The following PSEN1 variants were observed in gnomAD, a reference collection of about 807,000 sequenced individuals.
PSEN1 encodes the protein presenilin-1.
A neutral mutation model predicts 53.5 loss-of-function variants in PSEN1; 15 were observed. The ratio of observed to expected loss-of-function variants is 0.28; its 90% CI spans 0.19 to 0.43. The LOEUF (loss-of-function observed/expected upper bound fraction) is 0.43, where lower values mean the gene tolerates loss of function less well. Among genes scored for constraint, PSEN1 ranks in the 20% least tolerant of loss-of-function variants. The probability of loss-of-function intolerance (pLI) is 1.00; values close to 1 mark genes in which losing one functional copy is unlikely to be tolerated. For missense variants in PSEN1, 387 were observed against 571.2 expected (o/e 0.68, Z 3.29); for synonymous variants, 208 against 209.8 (o/e 0.99, Z 0.08).
At chr14:73,186,183 C>T (rs1306734117) in intron 5 of PSEN1, among the ~76,000 whole-genome samples, 1 of 152,114 alleles carries the variant, frequency 6.6e-6, no homozygotes, top group Non-Finnish European at 1.5e-5. Flanking sequence ...AGTTCGAGAC[C>T]AGCCTGACCA....
In PSEN1 at chr14:73,148,914, C is replaced by T. The variant is rs185367484; in HGVS notation, c.87+808C>T. ...CGCCATTGCACTCCAGCCTGGGCGACGAGCGAAACTCCATCTCAAAAATAA... is the reference window on the plus strand; with the variant it reads ...CGCCATTGCACTCCAGCCTGGGCGATGAGCGAAACTCCATCTCAAAAATAA... On this transcript the variant is annotated intron_variant, in intron 3 of 11. Coordinates refer to ENST00000324501, the MANE Select transcript of PSEN1 (RefSeq NM_000021.4). Among the ~76,000 whole-genome samples the T allele has an allele frequency of 7.3e-4, 111 of 151,834 alleles. No individual in the cohort carries two copies. In the East Asian group the frequency reaches 0.016, roughly 22 times the overall value.
intron 5 of PSEN1, among the ~76,000 whole-genome samples, chr14:73,179,663 G>C (rs1009004661): frequency 6.6e-6 from 1 of 152,148 alleles, no homozygotes; most frequent in Non-Finnish European, 1.5e-5. Context: ...CTGGGTGTTA[G>C]GAGACCTCTT....
In PSEN1 at chr14:73,198,088, A is replaced by T. The variant is rs748891711; in HGVS notation, c.827A>T (p.Gln276Leu). 1 of 1,612,814 alleles carries T rather than the reference A, an allele frequency of 6.2e-7. No homozygotes were observed. The highest frequency in any genetic ancestry group is 1.1e-5 in the South Asian group (1 of 90,994). Residue 276 changes from glutamine to leucine, a missense_variant, in exon 8 of 12, where the codon CAG becomes CTG. By Grantham distance (113) the Gln-to-Leu change is moderately radical (BLOSUM62 -2). Around this residue, in one of 4 missense-constraint regions of PSEN1, gnomAD observed 169 missense variants for 299.7 expected, o/e 0.56. Coordinates refer to ENST00000324501, the MANE Select transcript of PSEN1 (RefSeq NM_000021.4). ...CTTCGTATGCTGGTTGAAACAGCTC[A>T]GGAGAGAAATGAAACGCTTTTTCCA... Reference protein sequence around the residue: ...GPLRMLVETAQERNETLFPAL... With the variant: ...GPLRMLVETALERNETLFPAL...
chr14:73,140,182 G>GT (rs1447655298), intron 1 of PSEN1, among the ~76,000 whole-genome samples: 1 of 134,064 alleles, frequency 7.5e-6, no homozygotes, highest in Non-Finnish European at 1.6e-5. Context: ...AAACTAAAAG[G>GT]TTTTTCTTTT....
intron 8 of PSEN1, among the ~76,000 whole-genome samples, chr14:73,203,365 G>A (rs1899310071): frequency 6.6e-6 from 1 of 152,174 alleles, no homozygotes; most frequent in African/African-American, 2.4e-5. Context: ...TGGGATTACA[G>A]GCATGAGCCA....
chr14:73,198,573 G>A (rs895382709), intron 8 of PSEN1, among the ~76,000 whole-genome samples: 2 of 152,178 alleles, frequency 1.3e-5, no homozygotes, highest in Non-Finnish European at 2.9e-5. Context: ...CTGAGATCAT[G>A]AGAGGCATAC....
At chr14:73,153,856 G>A (rs1897288966) in intron 3 of PSEN1, among the ~76,000 whole-genome samples, 1 of 151,704 alleles carries the variant, frequency 6.6e-6, no homozygotes, top group South Asian at 2.1e-4. Flanking sequence ...GGGATTAACA[G>A]GGTTGTGCCA....
intron 3 of PSEN1, among the ~76,000 whole-genome samples, chr14:73,151,703 G>C (rs1414346079): frequency 6.6e-6 from 1 of 151,324 alleles, no homozygotes; most frequent in African/African-American, 2.4e-5. Flanking sequence ...AAGTAGCTGG[G>C]ACCACAGGCT....
intron 10 of PSEN1, among the ~76,000 whole-genome samples, chr14:73,216,602 T>TA (rs1441115238): frequency 6.6e-6 from 1 of 151,656 alleles, no homozygotes; most frequent in African/African-American, 2.4e-5. Context: ...CCATCAAAAA[T>TA]AAAAAAATTA....
chr14:73,211,412 C>T (rs1052401331), intron 9 of PSEN1, among the ~76,000 whole-genome samples: 2 of 152,136 alleles, frequency 1.3e-5, no homozygotes, highest in East Asian at 1.9e-4. Flanking sequence ...CCAGGAATCC[C>T]GGTGGACTTT....
Position 73,217,215 on chromosome 14 carries a change from A to G in PSEN1, c.1219A>G (p.Thr407Ala). Residue 407 changes from threonine (T) to alanine (A), a missense_variant, in exon 11 of 12, where the codon ACC (threonine) becomes GCC (alanine). Thr to Ala is a moderately conservative substitution (Grantham distance 58, BLOSUM62 0). Coordinates refer to ENST00000324501, the MANE Select transcript of PSEN1 (RefSeq NM_000021.4). The stretch of plus-strand genomic sequence containing the variant: ...AACAGCCAGTGGAGACTGGAACACA[A>G]CCATAGCCTGTTTCGTAGCCATATT... Reference protein sequence around the residue: ...SATASGDWNTTIACFVAILIG... With the variant: ...SATASGDWNTAIACFVAILIG... The G allele has an allele frequency of 6.2e-7, 1 of 1,614,144 alleles. No individual in the cohort carries two copies.
At chr14:73,146,078 C>G (rs551953411) in intron 1 of PSEN1, 8 of 152,020 alleles carry the variant, frequency 5.3e-5, no homozygotes, top group African/African-American at 1.9e-4. Flanking sequence ...TACATTGCAG[C>G]CTGGGTGACA....
At chr14:73,188,572 A>G (rs920290388) in intron 6 of PSEN1, among the ~76,000 whole-genome samples, 3 of 152,192 alleles carry the variant, frequency 2.0e-5, no homozygotes, top group Non-Finnish European at 4.4e-5. Context: ...GCTTCAGCCC[A>G]GGAATTCAAG....
At chr14:73,150,976 G>A (rs1296661381) in intron 3 of PSEN1, among the ~76,000 whole-genome samples, 1 of 151,672 alleles carries the variant, frequency 6.6e-6, no homozygotes, top group African/African-American at 2.4e-5. Flanking sequence ...GCTGAGGCAG[G>A]AGAATGGCAT....
At chr14:73,161,726 C>A (rs1326664487) in intron 3 of PSEN1, among the ~76,000 whole-genome samples, 1 of 152,120 alleles carries the variant, frequency 6.6e-6, no homozygotes, top group East Asian at 1.9e-4. Flanking sequence ...GTGTCCGGGT[C>A]ACACATGGCT....
intron 7 of PSEN1, among the ~76,000 whole-genome samples, chr14:73,196,848 C>G (rs1044319446): frequency 6.6e-6 from 1 of 151,754 alleles, no homozygotes; most frequent in Non-Finnish European, 1.5e-5. Context: ...TCTTCCTTTA[C>G]AAGTTTAGCT....
chr14:73,152,816 G>GTGGATTACT (rs1897264275), intron 3 of PSEN1, among the ~76,000 whole-genome samples: 2 of 152,194 alleles, frequency 1.3e-5, no homozygotes, highest in South Asian at 4.1e-4. Flanking sequence ...GCCAAGGTGG[G>GTGGATTACT]TGGATTACTT....
intron 9 of PSEN1, chr14:73,208,726 T>C: frequency 2.4e-6 from 1 of 409,892 alleles, no homozygotes; most frequent in South Asian, 1.8e-5. Context: ...CCATAAGTTC[T>C]CACTGTGGTC....
chr14:73,185,766 G>A (rs1332725422), intron 5 of PSEN1, among the ~76,000 whole-genome samples: 1 of 152,196 alleles, frequency 6.6e-6, no homozygotes, highest in Non-Finnish European at 1.5e-5. Flanking sequence ...GGCCAGGCTG[G>A]TCTTGAACTC....
Sources: allele counts gnomAD v4.1 joint callset (sites outside exome capture counted in the v4.1 genomes callset), GRCh38; gene constraint gnomAD v4.1.1; regional missense constraint gnomAD v4.1.1; transcripts MANE v1.5; gene names NCBI Gene and HGNC (gene_info 2026-07-23, HGNC 2026-07-21).